CNOT6L: variants seen among roughly 807,000 people sequenced by gnomAD.
The protein encoded by CNOT6L is CCR4-NOT transcription complex subunit 6 like, also known as CCR4-NOT transcription complex subunit 6-like.
Under a neutral mutation model 64.0 loss-of-function variants are expected in CNOT6L, and 7 were observed. That is an observed-to-expected ratio of 0.11 (90% CI 0.06 to 0.21). The LOEUF is 0.21. Ranked by LOEUF, CNOT6L falls within the 10% of genes least tolerant of loss-of-function variation. CNOT6L has a pLI of 1.00. For missense variants in CNOT6L, 245 were observed against 669.0 expected (o/e 0.37, Z 6.99); for synonymous variants, 193 against 243.4 (o/e 0.79, Z 1.93).
At chr4:77,774,826 T>C (rs1158773859) in intron 2 of CNOT6L, 110 bp from the exon 3 acceptor site, 1 of 596,016 alleles carries the variant, frequency 1.7e-6, no homozygotes, top group Non-Finnish European at 2.7e-6. Context: ...ATGGATATTG[T>C]ATCTCTGACA....
chr4:77,742,645 T>G (rs573130636), intron 7 of CNOT6L, among the ~76,000 whole-genome samples: 1 of 152,266 alleles, frequency 6.6e-6, no homozygotes. Flanking sequence ...ATAGATTCTG[T>G]GATAGGGAAT....
chr4:77,784,656 T>C (rs1729243388), intron 1 of CNOT6L, among the ~76,000 whole-genome samples: 1 of 152,066 alleles, frequency 6.6e-6, no homozygotes, highest in South Asian at 2.1e-4. Context: ...AGCTAATCTT[T>C]GTATTTTTTT....
chr4:77,746,892 A>C (rs1414563970), intron 6 of CNOT6L, among the ~76,000 whole-genome samples: 1 of 152,140 alleles, frequency 6.6e-6, no homozygotes, highest in Non-Finnish European at 1.5e-5. Flanking sequence ...TCTTAAAACA[A>C]GCTGATATTG....
chr4:77,742,723 G>GAT (rs1203287154), intron 7 of CNOT6L, among the ~76,000 whole-genome samples: 1 of 152,134 alleles, frequency 6.6e-6, no homozygotes, highest in Non-Finnish European at 1.5e-5. Flanking sequence ...GGAAAGAAAT[G>GAT]ATACCCAAGA....
intron 8 of CNOT6L, among the ~76,000 whole-genome samples, chr4:77,736,962 G>C (rs1023818522): frequency 1.6e-5 from 2 of 127,862 alleles, no homozygotes; most frequent in East Asian, 4.7e-4. Context: ...AACACGTCCA[G>C]AGCAGTCCTT....
chr4:77,734,726 A>AT (rs542034218), intron 8 of CNOT6L, among the ~76,000 whole-genome samples: 2 of 151,260 alleles, frequency 1.3e-5, no homozygotes, highest in Non-Finnish European at 2.9e-5. Flanking sequence ...TTAATTTTTA[A>AT]TTTTTTACAG....
intron 4 of CNOT6L, among the ~76,000 whole-genome samples, chr4:77,759,164 TA>T (rs2110008344): frequency 6.6e-6 from 1 of 152,018 alleles, no homozygotes; most frequent in African/African-American, 2.4e-5. Context: ...TTTAAATAAA[TA>T]AACTGATACA....
At chr4:77,814,344 A>T (rs1392327065) in intron 1 of CNOT6L, among the ~76,000 whole-genome samples, 1 of 152,182 alleles carries the variant, frequency 6.6e-6, no homozygotes, top group Non-Finnish European at 1.5e-5. Flanking sequence ...GAGTTGTACA[A>T]TTTAAATGGA....
intron 4 of CNOT6L, among the ~76,000 whole-genome samples, chr4:77,762,477 T>C (rs1726350601): frequency 6.6e-6 from 1 of 152,120 alleles, no homozygotes; most frequent in African/African-American, 2.4e-5. Flanking sequence ...TATAATCTTT[T>C]CAACAAATAG....
intron 1 of CNOT6L, among the ~76,000 whole-genome samples, chr4:77,789,323 A>G (rs1269235166): frequency 1.3e-5 from 2 of 152,000 alleles, no homozygotes; most frequent in South Asian, 4.1e-4. Flanking sequence ...CCCCGCCCCA[A>G]TGCAATCATT....
intron 7 of CNOT6L, among the ~76,000 whole-genome samples, chr4:77,743,129 A>G (rs1410971943): frequency 6.6e-6 from 1 of 152,196 alleles, no homozygotes; most frequent in African/African-American, 2.4e-5. Context: ...AAAATACTCC[A>G]GAAGTTTTAA....
At chr4:77,782,226 A>C (rs1203908654) in intron 1 of CNOT6L, among the ~76,000 whole-genome samples, 1 of 152,208 alleles carries the variant, frequency 6.6e-6, no homozygotes, top group Non-Finnish European at 1.5e-5. Flanking sequence ...CTTAACCATT[A>C]TGAGCTCCCT....
rs573260595 is a variant in CNOT6L at position 77,784,854 on chromosome 4, T to C, written c.6-8462A>G. 3.4e-4 allele frequency among the ~76,000 whole-genome samples: 52 copies of C among 152,326 alleles called. No individual in the cohort carries two copies. The South Asian group carries it at 9.9e-3, about 29-fold the overall frequency. On this transcript the variant is annotated intron_variant, in intron 1 of 11. Coordinates refer to ENST00000504123, the MANE Select transcript of CNOT6L (RefSeq NM_144571.3). ...ATACGTACATTTTCATCTTTTTTAA[T>C]GGGTATCAACTTCCTTTTCATCATT...
At position 77,715,007 on chromosome 4, in the gene CNOT6L, G is replaced by A. The variant is rs1177887419; in HGVS notation, c.*5424C>T. On this transcript the variant is annotated 3_prime_UTR_variant, in exon 12 of 12. Coordinates refer to ENST00000504123, the MANE Select transcript of CNOT6L (RefSeq NM_144571.3). ...TGGTACATATAACAATTGATAGCTT[G>A]AAAGACAATACATCAGTGATTTGAA... 6.6e-6 allele frequency: 1 copy of A among 152,322 alleles called. No homozygotes were observed. The highest frequency in any genetic ancestry group is 1.5e-5 in the Non-Finnish European group (1 of 67,990). 9.4% of individuals were successfully genotyped at this position (152,322 alleles called of 1,614,324 possible). A position where few individuals can be genotyped will look rare whatever the true frequency, so the allele number is the denominator to read the frequency against.
At chr4:77,795,422 C>A (rs1730722776) in intron 1 of CNOT6L, among the ~76,000 whole-genome samples, 2 of 152,186 alleles carry the variant, frequency 1.3e-5, no homozygotes, top group South Asian at 4.1e-4. Context: ...TGTGTCCACA[C>A]CCAAGTCTCA....
At chr4:77,777,904 AAAGGGAAAATAGTC>A (rs1173853075) in intron 1 of CNOT6L, among the ~76,000 whole-genome samples, 2 of 152,238 alleles carry the variant, frequency 1.3e-5, no homozygotes, top group African/African-American at 4.8e-5. Context: ...TCACATTTCT[AAAGGGAAAATAGTC>A]ATTCCTTTCC....
intron 1 of CNOT6L, among the ~76,000 whole-genome samples, chr4:77,784,269 A>C (rs1729201685): frequency 6.6e-6 from 1 of 152,188 alleles, no homozygotes; most frequent in South Asian, 2.1e-4. Flanking sequence ...TAAATACTAA[A>C]ATAAAAAACA....
At chr4:77,809,828 G>C (rs1432400368) in intron 1 of CNOT6L, among the ~76,000 whole-genome samples, 1 of 152,054 alleles carries the variant, frequency 6.6e-6, no homozygotes, top group Admixed American at 6.6e-5. Context: ...AGATTAGAGA[G>C]GGAGGTTCTC....
intron 8 of CNOT6L, among the ~76,000 whole-genome samples, chr4:77,736,112 A>C (rs964728695): frequency 2.0e-5 from 3 of 152,188 alleles, no homozygotes; most frequent in African/African-American, 7.2e-5. Flanking sequence ...AAGCAAAACT[A>C]GTCTTCCTAA....
Sources: gnomAD v4.1 joint callset for allele counts (sites outside exome capture counted in the v4.1 genomes callset) on GRCh38, gnomAD v4.1.1 for gene constraint, MANE v1.5 for transcripts, NCBI Gene and HGNC (gene_info 2026-07-23, HGNC 2026-07-21) for gene names.